The following LRTM2 variants were observed in gnomAD, a reference collection of about 807,000 sequenced individuals.
LRTM2 encodes the protein leucine-rich repeat and transmembrane domain-containing protein 2.
A neutral mutation model predicts 28.1 loss-of-function variants in LRTM2; 18 were observed. The observed-to-expected ratio is 0.64, with a 90% CI of 0.44 to 0.95. The LOEUF is 0.95. Ranked by LOEUF, LRTM2 falls within the 40% of genes least tolerant of loss-of-function variation. The pLI, the probability that LRTM2 is intolerant of heterozygous loss-of-function variation, is 0.00. For synonymous variants in LRTM2, 250 were observed against 218.7 expected (o/e 1.14, Z -1.26); for missense variants, 436 against 497.2 (o/e 0.88, Z 1.17).
chr12:1,821,457 G>A (rs1864097119), intron 1 of LRTM2, among the ~76,000 whole-genome samples: 1 of 152,328 alleles, frequency 6.6e-6, no homozygotes, highest in South Asian at 2.1e-4. Context: ...GGCTGGGAGT[G>A]GGCAGGAGAG....
chr12:1,825,898 T>G (rs1231000294), intron 1 of LRTM2, among the ~76,000 whole-genome samples: 3 of 152,182 alleles, frequency 2.0e-5, no homozygotes, highest in Non-Finnish European at 1.5e-5. Flanking sequence ...TGGGTGGCCG[T>G]GGACTGTGAG....
rs369847162 is a variant in LRTM2 at position 1,828,327 on chromosome 12, C to T, written c.67+112C>T. The T allele has an allele frequency of 2.3e-4, 217 of 949,902 alleles. No individual in the cohort carries two copies. Among genetic ancestry groups the T allele is most frequent in the South Asian group, 3.7e-4 (19 of 51,844 alleles). The allele number at this position is 949,902 out of a possible 1,614,324, so 58.8% of individuals were successfully genotyped here. On this transcript the variant is annotated intron_variant, in intron 3 of 4. Coordinates refer to ENST00000299194, the MANE Select transcript of LRTM2 (RefSeq NM_001039029.3). This position sits in a 1 kb window ranked among gnomAD's most constrained non-coding sequence, Gnocchi z 4.2. ...CACACTCAGGCTGCAGGGAGGCCTA[C>T]GCCAGATCTTCCTGGGGTACCCGAG...
Position 1,830,970 on chromosome 12 carries a change from G to A in LRTM2, c.103G>A (p.Ala35Thr), listed in dbSNP as rs1565695150. 9.3e-6 allele frequency: 15 copies of A among 1,612,658 alleles called. No individual in the cohort carries two copies. The highest frequency in any genetic ancestry group is 1.6e-4 in the Middle Eastern group (1 of 6,076). Residue 35 changes from alanine to threonine, a missense_variant, in exon 4 of 5, where the codon GCC (alanine) becomes ACC (threonine). Physicochemically the swap from Ala to Thr is moderately conservative, Grantham distance 58. Coordinates refer to ENST00000299194, the MANE Select transcript of LRTM2 (RefSeq NM_001039029.3). Reference sequence around the variant, plus strand: ...CTGGATCGCCCTGTATGCTGTGGAGGCCCTCCCCACCTGCCCTTTCTCCTG... The same window carrying A: ...CTGGATCGCCCTGTATGCTGTGGAGACCCTCCCCACCTGCCCTTTCTCCTG... The part of the protein sequence containing the change: ...TCWIALYAVE[A>T]LPTCPFSCKC...
chr12:1,829,683 C>T lies in LRTM2; in HGVS notation c.68-1252C>T, dbSNP rs1371964879. Among the ~76,000 whole-genome samples the T allele has an allele frequency of 6.7e-6, 1 of 149,954 alleles. No homozygotes were observed. The highest frequency in any genetic ancestry group is 1.5e-5 in the Non-Finnish European group (1 of 67,384). On this transcript the variant is annotated intron_variant, in intron 3 of 4. Coordinates refer to ENST00000299194, the MANE Select transcript of LRTM2 (RefSeq NM_001039029.3). The surrounding 1 kb of genome is among the most constrained non-coding windows in gnomAD (Gnocchi z 4.2). The stretch of plus-strand genomic sequence containing the variant: ...CTCAAGGCTGTTCAGACCCAGCTCA[C>T]AGCCCATCGGCCCACCCCGACCTGG...
At chr12:1,825,636 G>A (rs1448298038) in intron 1 of LRTM2, among the ~76,000 whole-genome samples, 2 of 152,226 alleles carry the variant, frequency 1.3e-5, no homozygotes, top group Non-Finnish European at 2.9e-5. Context: ...ATGTATGTTA[G>A]CACATACCTA....
rs1291805514 is a variant in LRTM2 at position 1,833,248 on chromosome 12, G to C, written c.659-1019G>C. ...GGAGACTTGCGGCAGATGGGCTGCA[G>C]AGGGAGCTGCCAGTGACGGAGTGGC... On this transcript the variant is annotated intron_variant, in intron 4 of 4. Coordinates refer to ENST00000299194, the MANE Select transcript of LRTM2 (RefSeq NM_001039029.3). The surrounding 1 kb of genome is among the most constrained non-coding windows in gnomAD (Gnocchi z 4.2). Among the ~76,000 whole-genome samples the C allele has an allele frequency of 1.3e-5, 2 of 152,218 alleles. No individual in the cohort carries two copies. The highest frequency in any genetic ancestry group is 4.8e-5 in the African/African-American group (2 of 41,452).
At position 1,834,792 on chromosome 12, in the gene LRTM2, C is replaced by T. The variant is rs1227594323; in HGVS notation, c.*71C>T. 22 of 1,498,174 alleles carry T rather than the reference C, an allele frequency of 1.5e-5. No homozygotes were observed. In the South Asian group the frequency reaches 2.2e-4, roughly 15 times the overall value. 92.8% of individuals were successfully genotyped at this position (1,498,174 alleles called of 1,614,324 possible). On this transcript the variant is annotated 3_prime_UTR_variant, in exon 5 of 5. Coordinates refer to ENST00000299194, the MANE Select transcript of LRTM2 (RefSeq NM_001039029.3). This position sits in a 1 kb window ranked among gnomAD's most constrained non-coding sequence, Gnocchi z 7.6. ...CGGCATTGCTCAGCCACAGCTCCCA[C>T]CTTGACCCGGCGCTGGCCACTGCCT... is the stretch of plus-strand genomic sequence containing the variant.
In LRTM2 at chr12:1,828,979, G is replaced by T. The variant is rs7959010; in HGVS notation, c.67+764G>T. Among the ~76,000 whole-genome samples the T allele has an allele frequency of 2.0e-4, 31 of 152,294 alleles. No homozygotes were observed. Among genetic ancestry groups the T allele is most frequent in the African/African-American group, 7.2e-4 (30 of 41,560 alleles). On this transcript the variant is annotated intron_variant, in intron 3 of 4. Coordinates refer to ENST00000299194, the MANE Select transcript of LRTM2 (RefSeq NM_001039029.3). The surrounding 1 kb of genome is among the most constrained non-coding windows in gnomAD (Gnocchi z 4.2). ...AAACGGTCCCGCGGGACGGCATTCC[G>T]CCTGACTTCCCGCTCTGATCCAGCA... is the stretch of plus-strand genomic sequence containing the variant.
At chr12:1,826,426 C>T (rs1263534068) in intron 1 of LRTM2, among the ~76,000 whole-genome samples, 1 of 116,036 alleles carries the variant, frequency 8.6e-6, no homozygotes. Context: ...CGCCAACTGG[C>T]ACCAGGAGCC....
At chr12:1,823,910 C>A (rs552979030) in intron 1 of LRTM2, among the ~76,000 whole-genome samples, 1 of 152,180 alleles carries the variant, frequency 6.6e-6, no homozygotes, top group African/African-American at 2.4e-5. Context: ...AAGTAACCCC[C>A]ACGTGTAAGC....
intron 1 of LRTM2, among the ~76,000 whole-genome samples, chr12:1,822,375 A>G (rs2154446455): frequency 6.6e-6 from 1 of 152,220 alleles, no homozygotes; most frequent in South Asian, 2.1e-4. Flanking sequence ...GAAAGGAGCC[A>G]GCATAGAGGC....
chr12:1,821,129 A>G (rs1015740382), intron 1 of LRTM2, among the ~76,000 whole-genome samples: 7 of 152,188 alleles, frequency 4.6e-5, no homozygotes, highest in Admixed American at 3.9e-4. Context: ...TCCCTGCAGC[A>G]TGGGAGAAGC....
Position 1,834,200 on chromosome 12 carries a change from G to A in LRTM2, c.659-67G>A. 1 of 1,498,096 alleles carries A rather than the reference G, an allele frequency of 6.7e-7. No homozygotes were observed. The highest frequency in any genetic ancestry group is 8.9e-7 in the Non-Finnish European group (1 of 1,123,126). The allele number at this position is 1,498,096 out of a possible 1,614,324, so 92.8% of individuals were successfully genotyped here. A position where few individuals can be genotyped will look rare whatever the true frequency, so the allele number is the denominator to read the frequency against. On this transcript the variant is annotated intron_variant, in intron 4 of 4. Transcript: ENST00000299194. The surrounding 1 kb of genome is among the most constrained non-coding windows in gnomAD (Gnocchi z 7.6). The stretch of plus-strand genomic sequence containing the variant: ...CTGGGGCTTCCGTTTTGGGGAGCTG[G>A]GGATGGGGAGAGGGAGTGCAAGTTC...
chr12:1,822,213 G>A (rs556970205), intron 1 of LRTM2: 5 of 152,314 alleles, frequency 3.3e-5, no homozygotes, highest in African/African-American at 7.2e-5. Context: ...CTGGGCCCAC[G>A]AGGAGCAAAC....
chr12:1,834,675 CCGAGGGCGAGCA>C lies in LRTM2; in HGVS notation c.1073_1084del (p.Gly358_Glu361del), dbSNP rs778017507. On this transcript the variant is annotated inframe_deletion, in exon 5 of 5. Transcript: ENST00000299194. This position sits in a 1 kb window ranked among gnomAD's most constrained non-coding sequence, Gnocchi z 7.6. ...AAGCGCCAGCCCCTGATGGGGGACC[CCGAGGGCGAGCA>C]CGAGGACCAGAAGCAGATCTCTTCT... The C allele has an allele frequency of 6.2e-7, 1 of 1,601,868 alleles. No individual in the cohort carries two copies. The highest frequency in any genetic ancestry group is 8.5e-7 in the Non-Finnish European group (1 of 1,179,540).
intron 2 of LRTM2, 149 bp from the exon 3 acceptor site, chr12:1,827,924 GCTC>G: frequency 2.4e-6 from 1 of 411,402 alleles, no homozygotes. Context: ...AGGCTTCCTG[GCTC>G]CTCTTCTTCC....
chr12:1,834,869 C>T lies in LRTM2; in HGVS notation c.*148C>T. ...TCCAGCAGACAAGCCACACCGGGTT[C>T]TCTCCCTGCACTTTCGAGGCTCCCT... On this transcript the variant is annotated 3_prime_UTR_variant, in exon 5 of 5. Coordinates refer to ENST00000299194, the MANE Select transcript of LRTM2 (RefSeq NM_001039029.3). The surrounding 1 kb of genome is among the most constrained non-coding windows in gnomAD (Gnocchi z 7.6). 1.4e-6 allele frequency: 2 copies of T among 1,405,610 alleles called. No homozygotes were observed. Among genetic ancestry groups the T allele is most frequent in the Middle Eastern group, 2.6e-4 (1 of 3,818 alleles). The allele number at this position is 1,405,610 out of a possible 1,614,324, so 87.1% of individuals were successfully genotyped here.
rs965054979 is a variant in LRTM2, at chr12:1,834,995, AAGG to A, written c.*278_*280del. ...CCCTAAGCTCTGGCCACAGCAAAGCAAGGAGGTGTGTGCAAGAGGAGGCTTCCG... is the reference window on the plus strand; with the variant it reads ...CCCTAAGCTCTGGCCACAGCAAAGCAAGGTGTGTGCAAGAGGAGGCTTCCG... On this transcript the variant is annotated 3_prime_UTR_variant, in exon 5 of 5. Coordinates refer to ENST00000299194, the MANE Select transcript of LRTM2 (RefSeq NM_001039029.3). This position sits in a 1 kb window ranked among gnomAD's most constrained non-coding sequence, Gnocchi z 7.6. 1.4e-5 allele frequency: 7 copies of A among 511,362 alleles called. No individual in the cohort carries two copies. Among genetic ancestry groups the A allele is most frequent in the African/African-American group, 1.2e-4 (6 of 52,042 alleles). 31.7% of individuals were successfully genotyped at this position (511,362 alleles called of 1,614,324 possible). A position where few individuals can be genotyped will look rare whatever the true frequency, so the allele number is the denominator to read the frequency against.
intron 3 of LRTM2, among the ~76,000 whole-genome samples, chr12:1,830,076 G>A (rs760009744): frequency 2.6e-5 from 4 of 152,232 alleles, no homozygotes; most frequent in South Asian, 2.1e-4. Context: ...ACCAGGAAAC[G>A]AATTCTATTC....
Sources: gnomAD v4.1 joint callset for allele counts (sites outside exome capture counted in the v4.1 genomes callset) on GRCh38, gnomAD v4.1.1 for gene constraint, Gnocchi (gnomAD v3.1) non-coding constraint, MANE v1.5 for transcripts, NCBI Gene and HGNC (gene_info 2026-07-23, HGNC 2026-07-21) for gene names.